The following SUPT3H variants were observed in gnomAD, a reference collection of about 807,000 sequenced individuals.
SUPT3H encodes transcription initiation protein SPT3 homolog.
Under a neutral mutation model 44.3 loss-of-function variants are expected in SUPT3H, and 44 were observed. The ratio of observed to expected loss-of-function variants is 0.99; its 90% CI spans 0.78 to 1.28. The LOEUF is 1.28. Among genes scored for constraint, SUPT3H ranks in the 50% most tolerant of loss-of-function variants. SUPT3H has a pLI of 0.00. For missense variants in SUPT3H, 380 were observed against 387.1 expected (o/e 0.98, Z 0.15); for synonymous variants, 124 against 125.6 (o/e 0.99, Z 0.09).
chr6:44,878,652 C>T (rs1000105580), intron 10 of SUPT3H, among the ~76,000 whole-genome samples: 1 of 152,078 alleles, frequency 6.6e-6, no homozygotes, highest in African/African-American at 2.4e-5. Flanking sequence ...TGAATAGGAA[C>T]CACTCTGGTC....
chr6:45,355,393 T>G (rs1792961071), intron 2 of SUPT3H, among the ~76,000 whole-genome samples: 1 of 151,548 alleles, frequency 6.6e-6, no homozygotes, highest in Non-Finnish European at 1.5e-5. Flanking sequence ...AAATACTTCA[T>G]TTATTATAGA....
chr6:45,373,553 G>A (rs946547452), intron 1 of SUPT3H, among the ~76,000 whole-genome samples: 2 of 152,022 alleles, frequency 1.3e-5, no homozygotes, highest in African/African-American at 4.8e-5. Context: ...ATTTGTGTGT[G>A]TGTGTGTGTG....
At chr6:45,061,707 T>G (rs1792067931) in intron 3 of SUPT3H, among the ~76,000 whole-genome samples, 1 of 122,368 alleles carries the variant, frequency 8.2e-6, no homozygotes, top group African/African-American at 3.2e-5. Context: ...TTTTGCAATA[T>G]GTGTATAGTT....
chr6:45,135,493 AT>A, intron 2 of SUPT3H, among the ~76,000 whole-genome samples: 1 of 152,194 alleles, frequency 6.6e-6, no homozygotes, highest in Middle Eastern at 3.4e-3. Flanking sequence ...CACCTTCAAT[AT>A]TTTGCATAGA....
intron 2 of SUPT3H, among the ~76,000 whole-genome samples, chr6:45,167,938 A>G (rs1454213831): frequency 2.0e-5 from 3 of 151,784 alleles, no homozygotes; most frequent in Non-Finnish European, 4.4e-5. Context: ...CAACCTCCCG[A>G]GTAGCTGGGA....
chr6:45,114,728 T>C (rs1206852375), intron 2 of SUPT3H, among the ~76,000 whole-genome samples: 2 of 152,174 alleles, frequency 1.3e-5, no homozygotes, highest in East Asian at 3.8e-4. Flanking sequence ...TCTTAATAGA[T>C]AGCAGCATAA....
chr6:44,853,414 C>T (rs1180431445), intron 10 of SUPT3H, among the ~76,000 whole-genome samples: 1 of 152,130 alleles, frequency 6.6e-6, no homozygotes, highest in Non-Finnish European at 1.5e-5. Flanking sequence ...AATCCTAGCA[C>T]TTTGGGAGGT....
chr6:45,255,249 C>T lies in SUPT3H; in HGVS notation c.101+109952G>A, dbSNP rs553545238. Among the ~76,000 whole-genome samples, 63 of 152,054 alleles carry T rather than the reference C, an allele frequency of 4.1e-4. 1 individual carries two copies. Among genetic ancestry groups the T allele is most frequent in the South Asian group, 3.5e-3 (17 of 4,808 alleles). ...ACTAAGGGTCTTGGAATATATTCCC[C>T]GGATAATGGGGGACTATGATATTGT... On this transcript the variant is annotated intron_variant, in intron 2 of 10. Coordinates refer to ENST00000371459, the MANE Select transcript of SUPT3H (RefSeq NM_003599.4).
At chr6:44,824,389 G>A (rs887661334), downstream of SUPT3H, among the ~76,000 whole-genome samples, 15 of 152,212 alleles carry the variant, frequency 9.9e-5, no homozygotes, top group Non-Finnish European at 1.0e-4. Flanking sequence ...GCTGGGTGAG[G>A]TGGCTTGTGC....
At chr6:45,230,686 A>ATATATATATATATTTTTT (rs796866510) in intron 2 of SUPT3H, among the ~76,000 whole-genome samples, 3 of 116,796 alleles carry the variant, frequency 2.6e-5, no homozygotes, top group African/African-American at 9.4e-5. Flanking sequence ...ATATATATAT[A>ATATATATATATATTTTTT]TTTTTGAGAT....
chr6:45,174,976 A>T (rs1277151289), intron 2 of SUPT3H, among the ~76,000 whole-genome samples: 1 of 146,474 alleles, frequency 6.8e-6, no homozygotes, highest in East Asian at 2.0e-4. Flanking sequence ...CCAGGAGTTA[A>T]AATCCAGCCT....
At position 45,003,923 on chromosome 6, in the gene SUPT3H, A is replaced by G. The variant is rs891942642; in HGVS notation, c.365-131T>C. On this transcript the variant is annotated intron_variant, in intron 5 of 10. Coordinates refer to ENST00000371459, the MANE Select transcript of SUPT3H (RefSeq NM_003599.4). ...TTCTCTGAAAATAATCTTTTAAAAA[A>G]TTCTTGCATTCAAAATAAAAGTATA... 6 of 1,011,502 alleles carry G rather than the reference A, an allele frequency of 5.9e-6. No individual in the cohort carries two copies. In the African/African-American group the frequency reaches 8.3e-5, roughly 14 times the overall value. 62.7% of individuals were successfully genotyped at this position (1,011,502 alleles called of 1,614,324 possible).
chr6:45,312,514 CAAA>C (rs144073348), intron 2 of SUPT3H, among the ~76,000 whole-genome samples: 2 of 106,506 alleles, frequency 1.9e-5, no homozygotes, highest in Non-Finnish European at 3.8e-5. Context: ...GACTCCATCT[CAAA>C]AAAAAAAAAA....
chr6:45,354,519 G>A (rs536692676), intron 2 of SUPT3H, among the ~76,000 whole-genome samples: 11 of 151,210 alleles, frequency 7.3e-5, no homozygotes, highest in East Asian at 3.9e-4. Flanking sequence ...TTCTACTGCC[G>A]CTGCTAACTC....
chr6:45,009,079 T>C lies in SUPT3H; in HGVS notation c.365-5287A>G, dbSNP rs1321368397. ...ATTGTCCATTAGTTAATCTTCTTTG[T>C]AGAAATCTCTATTCAGACCCTTTGC... On this transcript the variant is annotated intron_variant, in intron 5 of 10. Coordinates refer to ENST00000371459, the MANE Select transcript of SUPT3H (RefSeq NM_003599.4). Among the ~76,000 whole-genome samples the C allele has an allele frequency of 2.6e-5, 4 of 152,266 alleles. No individual in the cohort carries two copies. In the East Asian group the frequency reaches 7.7e-4, roughly 29 times the overall value.
chr6:44,985,387 CTT>C (rs1253434518), intron 6 of SUPT3H, among the ~76,000 whole-genome samples: 3 of 151,914 alleles, frequency 2.0e-5, no homozygotes, highest in Non-Finnish European at 4.4e-5. Context: ...CAGTGAGACT[CTT>C]TATCCAAAAA....
chr6:45,288,531 A>G (rs1033560553), intron 2 of SUPT3H, among the ~76,000 whole-genome samples: 8 of 30,684 alleles, frequency 2.6e-4, no homozygotes, highest in African/African-American at 4.6e-4. Flanking sequence ...AAGAGATACA[A>G]TGTGTGTGTG....
intron 2 of SUPT3H, among the ~76,000 whole-genome samples, chr6:45,299,963 G>A (rs898568330): frequency 1.3e-5 from 2 of 148,166 alleles, no homozygotes; most frequent in Admixed American, 6.9e-5. Context: ...ATATATATAT[G>A]TGTGCACACA....
intron 2 of SUPT3H, among the ~76,000 whole-genome samples, chr6:45,231,964 T>C (rs1385865813): frequency 6.6e-6 from 1 of 152,196 alleles, no homozygotes; most frequent in Non-Finnish European, 1.5e-5. Context: ...ATCTGTTTGA[T>C]AAATTTCTCA....
Sources: allele counts gnomAD v4.1 joint callset (sites outside exome capture counted in the v4.1 genomes callset), GRCh38; gene constraint gnomAD v4.1.1; transcripts MANE v1.5; gene names NCBI Gene and HGNC (gene_info 2026-07-23, HGNC 2026-07-21).